The following PCCA variants were observed in gnomAD, a reference collection of about 807,000 sequenced individuals.
The protein encoded by PCCA is propionyl-CoA carboxylase alpha chain, mitochondrial.
A neutral mutation model predicts 101.3 loss-of-function variants in PCCA; 74 were observed. That is an observed-to-expected ratio of 0.73 (90% CI 0.61 to 0.89). The LOEUF (loss-of-function observed/expected upper bound fraction) is 0.89, where lower values mean the gene tolerates loss of function less well. Among genes scored for constraint, PCCA ranks in the 40% least tolerant of loss-of-function variants. PCCA has a pLI of 0.00. For synonymous variants in PCCA, 294 were observed against 313.6 expected (o/e 0.94, Z 0.66); for missense variants, 891 against 907.0 (o/e 0.98, Z 0.23).
intron 4 of PCCA, among the ~76,000 whole-genome samples, chr13:100,150,284 G>A (rs1417871151): frequency 2.0e-5 from 3 of 151,910 alleles, no homozygotes; most frequent in African/African-American, 4.8e-5. Context: ...CACCCGCCTC[G>A]GCCTCCCAAA....
intron 9 of PCCA, 83 bp from the exon 10 acceptor site, chr13:100,262,646 T>C (rs2062600923): frequency 2.7e-6 from 2 of 751,914 alleles, no homozygotes; most frequent in African/African-American, 1.7e-5. Flanking sequence ...TTTGTTTTGT[T>C]AGTCTGACTC....
intron 4 of PCCA, among the ~76,000 whole-genome samples, chr13:100,121,520 G>C (rs1375641747): frequency 6.7e-6 from 1 of 148,604 alleles, no homozygotes; most frequent in Admixed American, 6.8e-5. Context: ...TGTTGCCCAG[G>C]CTGGAGTGCA....
intron 17 of PCCA, 106 bp from the exon 18 acceptor site, chr13:100,340,051 A>T (rs1161147736): frequency 5.3e-6 from 4 of 747,932 alleles, no homozygotes; most frequent in Non-Finnish European, 9.8e-6. Flanking sequence ...TGCATAATAG[A>T]TGCCCTATAA....
chr13:100,440,758 C>T (rs2080312319), intron 20 of PCCA, among the ~76,000 whole-genome samples: 2 of 151,844 alleles, frequency 1.3e-5, no homozygotes, highest in African/African-American at 4.8e-5. Context: ...TGACATGACA[C>T]TCTCAGGATA....
chr13:100,197,353 G>C (rs929229953), intron 6 of PCCA, among the ~76,000 whole-genome samples: 1 of 152,012 alleles, frequency 6.6e-6, no homozygotes, highest in Non-Finnish European at 1.5e-5. Context: ...GACCATGCCT[G>C]GTTAATTTTT....
intron 1 of PCCA, among the ~76,000 whole-genome samples, chr13:100,100,470 C>A (rs1242536861): frequency 6.6e-6 from 1 of 152,216 alleles, no homozygotes; most frequent in Non-Finnish European, 1.5e-5. Flanking sequence ...GAATTTTGGA[C>A]TGGGCGTGTA....
intron 19 of PCCA, among the ~76,000 whole-genome samples, chr13:100,417,572 A>G (rs2078458720): frequency 6.6e-6 from 1 of 152,124 alleles, no homozygotes; most frequent in Non-Finnish European, 1.5e-5. Flanking sequence ...TGCCTGAGAG[A>G]TGCAGTGGCC....
chr13:100,358,006 G>A (rs1023617691), intron 18 of PCCA, among the ~76,000 whole-genome samples: 2 of 152,194 alleles, frequency 1.3e-5, no homozygotes, highest in East Asian at 1.9e-4. Flanking sequence ...TAAAATTTCA[G>A]TTGCCTACCA....
intron 21 of PCCA, among the ~76,000 whole-genome samples, chr13:100,478,000 G>A (rs2083552587): frequency 6.6e-6 from 1 of 152,228 alleles, no homozygotes; most frequent in Non-Finnish European, 1.5e-5. Context: ...GTTGCTGGAT[G>A]TGGCGAGCTC....
At chr13:100,418,619 G>C (rs936065733) in intron 19 of PCCA, among the ~76,000 whole-genome samples, 1 of 151,926 alleles carries the variant, frequency 6.6e-6, no homozygotes, top group African/African-American at 2.4e-5. Context: ...GGTGGGCAGA[G>C]ATCAGGAGTT....
intron 20 of PCCA, among the ~76,000 whole-genome samples, chr13:100,440,516 A>G (rs1190503601): frequency 6.6e-6 from 1 of 151,838 alleles, no homozygotes; most frequent in African/African-American, 2.4e-5. Flanking sequence ...TTTAGTTTTA[A>G]TCCTAATAAC....
Position 100,102,936 on chromosome 13 carries a change from A to G in PCCA, c.159A>G (p.Ser53=), listed in dbSNP as rs2047404350. Residue 53 remains serine (S), a synonymous_variant, in exon 2 of 24, where the codon TCA becomes TCG. Coordinates refer to ENST00000376285, the MANE Select transcript of PCCA (RefSeq NM_000282.4). ...TAATGGTGTCCCGTAATCTTGGTTCAGTGGGATATGATCCTAATGAAAAAG... is the reference window on the plus strand; with the variant it reads ...TAATGGTGTCCCGTAATCTTGGTTCGGTGGGATATGATCCTAATGAAAAAG... The part of the protein sequence containing the change: ...QCLMVSRNLG[S]VGYDPNEKTF... The G allele has an allele frequency of 1.2e-6, 2 of 1,605,518 alleles. No individual in the cohort carries two copies. The highest frequency in any genetic ancestry group is 1.7e-5 in the Admixed American group (1 of 60,016).
chr13:100,502,858 G>A (rs2085782639), intron 21 of PCCA, among the ~76,000 whole-genome samples: 1 of 152,098 alleles, frequency 6.6e-6, no homozygotes, highest in African/African-American at 2.4e-5. Flanking sequence ...TAGAAAAAGA[G>A]GAAACAAAGT....
intron 19 of PCCA, among the ~76,000 whole-genome samples, chr13:100,374,948 A>C (rs1300197262): frequency 6.6e-6 from 1 of 152,020 alleles, no homozygotes; most frequent in Non-Finnish European, 1.5e-5. Flanking sequence ...AGTTCTTTTA[A>C]TTGTGATGTT....
At chr13:100,440,090 T>A (rs1595904735) in intron 20 of PCCA, among the ~76,000 whole-genome samples, 2 of 148,444 alleles carry the variant, frequency 1.3e-5, no homozygotes, top group African/African-American at 4.9e-5. Flanking sequence ...GTCACATGAA[T>A]CTCATGTTAT....
intron 18 of PCCA, among the ~76,000 whole-genome samples, chr13:100,354,147 A>T (rs1189370496): frequency 6.7e-6 from 1 of 149,922 alleles, no homozygotes; most frequent in East Asian, 2.0e-4. Context: ...GTGGTGGCAC[A>T]CACTTGTAAT....
At chr13:100,314,981 G>A (rs1165977411) in intron 16 of PCCA, among the ~76,000 whole-genome samples, 5 of 152,298 alleles carry the variant, frequency 3.3e-5, no homozygotes, top group Middle Eastern at 3.4e-3. Flanking sequence ...TCCTTGTACT[G>A]TGATTATAGA....
At chr13:100,391,020 G>C (rs555897046) in intron 19 of PCCA, among the ~76,000 whole-genome samples, 1 of 151,400 alleles carries the variant, frequency 6.6e-6, no homozygotes, top group Non-Finnish European at 1.5e-5. Context: ...AAGGGCCTCT[G>C]TGCTTTTTTT....
At chr13:100,160,830 A>G (rs2054389461) in intron 6 of PCCA, 1 of 151,996 alleles carries the variant, frequency 6.6e-6, no homozygotes, top group Non-Finnish European at 1.5e-5. Context: ...ATTTCTTAGT[A>G]TTCTGTGTTT....
Sources: gnomAD v4.1 joint callset for allele counts (sites outside exome capture counted in the v4.1 genomes callset) on GRCh38, gnomAD v4.1.1 for gene constraint, MANE v1.5 for transcripts, NCBI Gene and HGNC (gene_info 2026-07-23, HGNC 2026-07-21) for gene names.